Variants in NDUFAF7 observed in about 807,000 individuals in gnomAD.
NDUFAF7 encodes the protein NADH:ubiquinone oxidoreductase complex assembly factor 7.
A neutral mutation model predicts 47.2 loss-of-function variants in NDUFAF7; 48 were observed. That is an observed-to-expected ratio of 1.02 (90% CI 0.81 to 1.29). The LOEUF (loss-of-function observed/expected upper bound fraction) is 1.29, where lower values mean the gene tolerates loss of function less well. NDUFAF7 is among the 50% of genes most tolerant of loss of function. The pLI is 0.00. For missense variants in NDUFAF7, 635 were observed against 537.6 expected, an observed-to-expected ratio of 1.18 and a Z score of -1.79; for synonymous variants, 217 against 190.0, an observed-to-expected ratio of 1.14 and a Z score of -1.17.
Position 37,248,424 on chromosome 2 carries a change from C to T in NDUFAF7, c.*74C>T, listed in dbSNP as rs1341626561. 2.1e-5 allele frequency: 29 copies of T among 1,368,220 alleles called. 1 individual carries two copies. The East Asian group carries it at 6.4e-4, about 30-fold the overall frequency. 84.8% of individuals were successfully genotyped at this position (1,368,220 alleles called of 1,614,324 possible). On this transcript the variant is annotated 3_prime_UTR_variant, in exon 10 of 10. Coordinates refer to ENST00000002125, the MANE Select transcript of NDUFAF7 (RefSeq NM_144736.5). ...TAAAGGAAACACATTTCATATACTG[C>T]AGGTAACAAAAGTCAAAGTATTTTA... is the stretch of plus-strand genomic sequence containing the variant.
downstream of NDUFAF7, chr2:37,254,166 A>C (rs1274568837): frequency 2.0e-6 from 3 of 1,478,314 alleles, no homozygotes; most frequent in Non-Finnish European, 2.8e-6. Flanking sequence ...GAACTACTCA[A>C]ATGAGGATTG....
chr2:37,255,080 T>A (rs895896062), downstream of NDUFAF7, among the ~76,000 whole-genome samples: 4 of 152,206 alleles, frequency 2.6e-5, no homozygotes, highest in Non-Finnish European at 5.9e-5. Flanking sequence ...TTCTTGTCTC[T>A]ATACTACCAA....
chr2:37,239,095 T>G (rs997061881), intron 4 of NDUFAF7, among the ~76,000 whole-genome samples: 19 of 151,432 alleles, frequency 1.3e-4, no homozygotes, highest in African/African-American at 4.6e-4. Context: ...AAACTATAAT[T>G]TAGTACATCC....
At chr2:37,239,821 A>C (rs1487280001) in intron 4 of NDUFAF7, among the ~76,000 whole-genome samples, 1 of 152,216 alleles carries the variant, frequency 6.6e-6, no homozygotes, top group Non-Finnish European at 1.5e-5. Flanking sequence ...TGGTGATAAA[A>C]ATATATTTAG....
chr2:37,246,102 C>T lies in NDUFAF7; in HGVS notation c.843C>T (p.Ile281=). The stretch of plus-strand genomic sequence containing the variant: ...AAGTGTGTCCTGATGCTGGTGTTAT[C>T]ATCGAGGAACTTTCTCAACGCATTG... ...HVEVCPDAGV[I]IEELSQRIAL... The change falls in exon 8 of 10, where the codon ATC becomes ATT. Residue 281 remains isoleucine, a synonymous_variant. Transcript: ENST00000002125. 1.9e-6 allele frequency: 3 copies of T among 1,613,902 alleles called. No individual in the cohort carries two copies. The highest frequency in any genetic ancestry group is 2.5e-6 in the Non-Finnish European group (3 of 1,179,864).
At chr2:37,268,023 G>T in the NDUFAF7 span, 1 of 187,068 alleles carries the variant, frequency 5.3e-6, no homozygotes, top group Admixed American at 6.0e-5. Context: ...TTAAAAAAAG[G>T]TAGAAGTTTA....
intron 3 of NDUFAF7, among the ~76,000 whole-genome samples, chr2:37,236,453 C>T (rs1665763028): frequency 6.6e-6 from 1 of 151,690 alleles, no homozygotes; most frequent in African/African-American, 2.4e-5. Flanking sequence ...ATAAAGAGGA[C>T]AGAAAAAGGA....
downstream of NDUFAF7, chr2:37,254,065 G>A (rs1667740774): frequency 7.8e-6 from 5 of 644,420 alleles, no homozygotes; most frequent in South Asian, 1.9e-5. Flanking sequence ...GGTTTCCAGA[G>A]ATTCAGCCAT....
At chr2:37,241,498 CTA>C in intron 4 of NDUFAF7, 78 bp from the exon 5 acceptor site, 2 of 1,176,332 alleles carry the variant, frequency 1.7e-6, no homozygotes, top group South Asian at 2.6e-5. Flanking sequence ...TGTGACATGA[CTA>C]AATCATTGAT....
chr2:37,267,659 TTCTC>T, the NDUFAF7 span: 1 of 727,492 alleles, frequency 1.4e-6, no homozygotes, highest in Non-Finnish European at 2.3e-6. Context: ...TTTTTGTTCT[TTCTC>T]CACACTCCTT....
intron 6 of NDUFAF7, 33 bp downstream of exon 6, chr2:37,242,726 T>C (rs754268111): frequency 5.3e-6 from 8 of 1,497,326 alleles, no homozygotes; most frequent in South Asian, 1.1e-5. Flanking sequence ...ATGTCTATAA[T>C]TGAATACAAA....
the NDUFAF7 span, chr2:37,260,296 T>C: frequency 6.2e-7 from 1 of 1,609,398 alleles, no homozygotes; most frequent in South Asian, 1.1e-5. Flanking sequence ...TTCCAACATA[T>C]CTCCATGCAG....
chr2:37,269,495 C>A, the NDUFAF7 span: 2 of 781,868 alleles, frequency 2.6e-6, no homozygotes, highest in South Asian at 1.5e-5. Flanking sequence ...GATAACAAGT[C>A]AGCCTTTAAA....
At chr2:37,262,710 G>A in the NDUFAF7 span, among the ~76,000 whole-genome samples, 2 of 151,988 alleles carry the variant, frequency 1.3e-5, no homozygotes. Context: ...AAAACACGTG[G>A]ACACACAAAA....
intron 2 of NDUFAF7, among the ~76,000 whole-genome samples, chr2:37,232,622 T>C (rs1572521058): frequency 6.6e-6 from 1 of 152,124 alleles, no homozygotes; most frequent in South Asian, 2.1e-4. Flanking sequence ...TTCAGGCTGG[T>C]ATATGAATTT....
Position 37,242,818 on chromosome 2 carries a change from A to C in NDUFAF7, c.681+125A>C, listed in dbSNP as rs1296511645. On this transcript the variant is annotated intron_variant, in intron 6 of 9. Coordinates refer to ENST00000002125, the MANE Select transcript of NDUFAF7 (RefSeq NM_144736.5). ...GAGGTTATTTTTAACTATTATTTGG[A>C]ATTTTGGTACACAAATAATTCAAAA... The C allele has an allele frequency of 4.3e-6, 3 of 700,392 alleles. No individual in the cohort carries two copies. The East Asian group carries it at 8.8e-5, about 20-fold the overall frequency. The allele number at this position is 700,392 out of a possible 1,614,324, so 43.4% of individuals were successfully genotyped here.
intron 4 of NDUFAF7, among the ~76,000 whole-genome samples, chr2:37,240,412 A>C (rs1232437652): frequency 2.6e-5 from 4 of 151,802 alleles, no homozygotes; most frequent in East Asian, 1.9e-4. Flanking sequence ...CAAAAAAAAA[A>C]CCAAAAAACA....
rs1667163334 is a variant in NDUFAF7, at chr2:37,248,509, T to C, written c.*159T>C. The C allele has an allele frequency of 1.3e-6, 1 of 754,234 alleles. No individual in the cohort carries two copies. Among genetic ancestry groups the C allele is most frequent in the Non-Finnish European group, 2.3e-6 (1 of 443,896 alleles). 46.7% of individuals were successfully genotyped at this position (754,234 alleles called of 1,614,324 possible). A position where few individuals can be genotyped will look rare whatever the true frequency, so the allele number is the denominator to read the frequency against. On this transcript the variant is annotated 3_prime_UTR_variant, in exon 10 of 10. Coordinates refer to ENST00000002125, the MANE Select transcript of NDUFAF7 (RefSeq NM_144736.5). ...AATACAACCAACATTATAGAACTTT[T>C]AGGGTTGTGACTGGCTTTGGTGCAA... is the stretch of plus-strand genomic sequence containing the variant.
chr2:37,244,021 A>C, intron 7 of NDUFAF7, 48 bp downstream of exon 7: 14 of 1,441,254 alleles, frequency 9.7e-6, no homozygotes, highest in Non-Finnish European at 1.4e-5. Context: ...CAGAATCTTC[A>C]AAGTCTTATT....
Sources: gnomAD v4.1 joint callset for allele counts (sites outside exome capture counted in the v4.1 genomes callset) on GRCh38, gnomAD v4.1.1 for gene constraint, MANE v1.5 for transcripts, NCBI Gene and HGNC (gene_info 2026-07-23, HGNC 2026-07-21) for gene names.